The following LIX1L variants were observed in gnomAD, a reference collection of about 807,000 sequenced individuals.
The protein encoded by LIX1L is limb and CNS expressed 1 like.
In LIX1L, 20 loss-of-function variants were observed where a neutral mutation model predicts 34.0. The ratio of observed to expected loss-of-function variants is 0.59; its 90% confidence interval spans 0.41 to 0.85. The LOEUF is 0.85. Among genes scored for constraint, LIX1L ranks in the 40% least tolerant of loss-of-function variants. LIX1L has a pLI of 0.00. For synonymous variants in LIX1L, 170 were observed against 187.4 expected (o/e 0.91, Z 0.76); for missense variants, 397 against 447.0 (o/e 0.89, Z 1.01).
At chr1:145,954,191 G>A (rs781908796) in intron 1 of LIX1L, among the ~76,000 whole-genome samples, 1 of 152,138 alleles carries the variant, frequency 6.6e-6, no homozygotes. Context: ...GGCAAGGAAT[G>A]AATTCTCCCC....
chr1:145,950,386 T>G (rs1401004856), intron 1 of LIX1L: 2 of 151,932 alleles, frequency 1.3e-5, no homozygotes, highest in African/African-American at 4.8e-5. Flanking sequence ...GTTGTTGTTG[T>G]TTTTTTTCTA....
chr1:145,943,907 G>T (rs868940778), intron 2 of LIX1L, among the ~76,000 whole-genome samples: 2 of 151,876 alleles, frequency 1.3e-5, no homozygotes, highest in South Asian at 2.1e-4. Context: ...GCCAGGCATG[G>T]TGACACGTGC....
rs782375168 is a variant in LIX1L, at chr1:145,957,725, G to A, written c.203C>T (p.Pro68Leu). ...LSGAPGLPLP[P>L]GAAGSPAVLR... ...CACTGCCGGGCTGCCGGCGGCGCCG[G>A]GGGGCAGGGGTAGTCCTGGGGCCCC... The change falls in exon 1 of 6, where the codon CCC becomes CTC. Residue 68 changes from proline (P) to leucine (L), a missense_variant. By Grantham distance (98) the Pro-to-Leu change is moderately conservative. This residue lies in a region of LIX1L where 207 missense variants were observed against 205.2 expected (regional missense o/e 1.01). Transcript: ENST00000604000. The A allele has an allele frequency of 6.8e-7, 1 of 1,473,886 alleles. No homozygotes were observed. Among genetic ancestry groups the A allele is most frequent in the Non-Finnish European group, 8.9e-7 (1 of 1,117,490 alleles). The allele number at this position is 1,473,886 out of a possible 1,614,324, so 91.3% of individuals were successfully genotyped here.
chr1:145,952,433 T>C (rs1553759900), intron 1 of LIX1L, among the ~76,000 whole-genome samples: 1 of 152,152 alleles, frequency 6.6e-6, no homozygotes, highest in African/African-American at 2.4e-5. Flanking sequence ...CATCTGATAA[T>C]TGTTTTCTCA....
Position 145,957,871 on chromosome 1 carries a change from GC to G in LIX1L, c.56del (p.Gly19AlafsTer10). On this transcript the variant is annotated frameshift_variant, in exon 1 of 6. Coordinates refer to ENST00000604000, the MANE Select transcript of LIX1L (RefSeq NM_153713.3). LOFTEE classifies it high-confidence loss of function. The stretch of plus-strand genomic sequence containing the variant: ...CTCCGGGCCGCAGCGCTCGGAGAGT[GC>G]CCCTCCCGCTGGTGCCCACACCAGG... The part of the protein sequence containing the change: ...LQPGVGTSGR[G>X]TLRALRPGVT... The G allele has an allele frequency of 6.8e-7, 1 of 1,472,552 alleles. No homozygotes were observed. 91.2% of individuals were successfully genotyped at this position (1,472,552 alleles called of 1,614,324 possible).
intron 1 of LIX1L, among the ~76,000 whole-genome samples, chr1:145,949,575 T>C (rs1553759574): frequency 1.3e-5 from 2 of 152,060 alleles, no homozygotes; most frequent in African/African-American, 4.8e-5. Context: ...TGTTAGAGTA[T>C]TGGCTTTATC....
At chr1:145,946,461 TG>T (rs1649112500) in intron 2 of LIX1L, among the ~76,000 whole-genome samples, 1 of 152,036 alleles carries the variant, frequency 6.6e-6, no homozygotes, top group Non-Finnish European at 1.5e-5. Flanking sequence ...CCTCCCAGAG[TG>T]CTGGGATTAC....
chr1:145,957,838 C>T lies in LIX1L; in HGVS notation c.90G>A (p.Gly30=), dbSNP rs782235695. The change falls in exon 1 of 6, where the codon GGG becomes GGA. Residue 30 remains glycine, a synonymous_variant. Transcript: ENST00000604000. ...TLRALRPGVT[G]AAAATATPPA... ...GGGGTGTGGCGGTGGCGGCCGCGGC[C>T]CCAGTCACTCCGGGCCGCAGCGCTC... 3 of 1,419,536 alleles carry T rather than the reference C, an allele frequency of 2.1e-6. No homozygotes were observed. The highest frequency in any genetic ancestry group is 2.8e-6 in the Non-Finnish European group (3 of 1,087,904). The allele number at this position is 1,419,536 out of a possible 1,614,324, so 87.9% of individuals were successfully genotyped here. A position where few individuals can be genotyped will look rare whatever the true frequency, so the allele number is the denominator to read the frequency against.
At chr1:145,947,829 C>T (rs1553759426) in intron 1 of LIX1L, 47 bp from the exon 2 acceptor site, 2 of 1,568,586 alleles carry the variant, frequency 1.3e-6, no homozygotes, top group East Asian at 2.2e-5. Flanking sequence ...AGAACACCTC[C>T]ACGTGGTGCT....
chr1:145,947,852 A>T, intron 1 of LIX1L, 70 bp from the exon 2 acceptor site: 1 of 1,397,576 alleles, frequency 7.2e-7, no homozygotes, highest in Non-Finnish European at 1.0e-6. Context: ...ACTTCAATAC[A>T]GTACCTGTAA....
At chr1:145,938,589 T>TG (rs1462757318) in intron 3 of LIX1L, among the ~76,000 whole-genome samples, 4 of 151,698 alleles carry the variant, frequency 2.6e-5, no homozygotes, top group African/African-American at 9.7e-5. Flanking sequence ...ATTTCCTTTT[T>TG]TTTTTTTTGA....
chr1:145,947,556 T>C, intron 2 of LIX1L, 63 bp downstream of exon 2: 2 of 1,549,428 alleles, frequency 1.3e-6, no homozygotes, highest in South Asian at 1.1e-5. Flanking sequence ...GCCAAAGTGG[T>C]GGAGAAAGCC....
rs998093742 is a variant in LIX1L at position 145,953,341 on chromosome 1, G to C, written c.292+4295C>G. 3.9e-5 allele frequency among the ~76,000 whole-genome samples: 6 copies of C among 152,202 alleles called. 1 individual carries two copies. The South Asian group carries it at 1.2e-3, about 31-fold the overall frequency. On this transcript the variant is annotated intron_variant, in intron 1 of 5. Coordinates refer to ENST00000604000, the MANE Select transcript of LIX1L (RefSeq NM_153713.3). ...AAAAAGTAATAAATACAACTTTGTGGTGGGGAAGCAGGAATAAAGAGATAA... is the reference window on the plus strand; with the variant it reads ...AAAAAGTAATAAATACAACTTTGTGCTGGGGAAGCAGGAATAAAGAGATAA...
chr1:145,947,878 A>G, intron 1 of LIX1L, 96 bp from the exon 2 acceptor site: 2 of 1,095,688 alleles, frequency 1.8e-6, no homozygotes, highest in Non-Finnish European at 2.7e-6. Context: ...ACCTACATTA[A>G]GAGTCTGCCC....
chr1:145,936,734 A>C, intron 5 of LIX1L, 174 bp downstream of exon 5: 1 of 824,920 alleles, frequency 1.2e-6, no homozygotes, highest in Non-Finnish European at 1.9e-6. Context: ...AAAGAATCAC[A>C]GCTAATATTT....
intron 3 of LIX1L, chr1:145,940,205 A>T (rs1192281033): frequency 6.6e-6 from 1 of 152,080 alleles, no homozygotes; most frequent in Admixed American, 6.6e-5. Flanking sequence ...ACCTTAGGCA[A>T]TCCGCCCAAC....
rs1283567064 is a variant in LIX1L at position 145,934,021 on chromosome 1, C to G, written c.*2289G>C. ...TACACTTGAACTTTCTGTTTGGAAC[C>G]TAATCTATTTCTAAAAGCAAAGTCT... On this transcript the variant is annotated 3_prime_UTR_variant, in exon 6 of 6. Coordinates refer to ENST00000604000, the MANE Select transcript of LIX1L (RefSeq NM_153713.3). 1 of 152,046 alleles carries G rather than the reference C, an allele frequency of 6.6e-6. No individual in the cohort carries two copies. Among genetic ancestry groups the G allele is most frequent in the African/African-American group, 2.4e-5 (1 of 41,378 alleles). The allele number at this position is 152,046 out of a possible 1,614,324, so 9.4% of individuals were successfully genotyped here.
chr1:145,950,670 TAC>T (rs1553759761), intron 1 of LIX1L, among the ~76,000 whole-genome samples: 1 of 152,114 alleles, frequency 6.6e-6, no homozygotes, highest in Admixed American at 6.6e-5. Flanking sequence ...CCGGCTGTAG[TAC>T]AGTTTTAAGA....
intron 1 of LIX1L, chr1:145,950,361 TTTGTTGTTGTTG>T (rs1178702849): frequency 2.0e-5 from 3 of 152,084 alleles, no homozygotes; most frequent in Non-Finnish European, 4.4e-5. Flanking sequence ...TAGTACAGTT[TTTGTTGTTGTTG>T]TTGTTGTTGT....
Sources: allele counts gnomAD v4.1 joint callset (sites outside exome capture counted in the v4.1 genomes callset), GRCh38; gene constraint gnomAD v4.1.1; regional missense constraint gnomAD v4.1.1; transcripts MANE v1.5; gene names NCBI Gene and HGNC (gene_info 2026-07-23, HGNC 2026-07-21).